The following REV3L variants were observed in gnomAD, a reference collection of about 807,000 sequenced individuals.
REV3L encodes the protein DNA polymerase zeta catalytic subunit.
A neutral mutation model predicts 299.4 loss-of-function variants in REV3L; 69 were observed. The observed-to-expected ratio is 0.23, with a 90% CI of 0.19 to 0.28. REV3L has a LOEUF of 0.28. REV3L is among the 10% of genes least tolerant of loss of function. REV3L has a pLI of 1.00. For synonymous variants in REV3L, 1,238 were observed against 1,271.4 expected, an observed-to-expected ratio of 0.97 and a Z score of 0.56; for missense variants, 3,128 against 3,693.8, an observed-to-expected ratio of 0.85 and a Z score of 3.97.
chr6:111,367,117 G>C lies in REV3L; in HGVS notation c.6671C>G (p.Thr2224Arg). The C allele has an allele frequency of 6.4e-7, 1 of 1,570,382 alleles. No homozygotes were observed. Among genetic ancestry groups the C allele is most frequent in the Non-Finnish European group, 8.6e-7 (1 of 1,162,760 alleles). ...PEAPGLSPLS[T>R]EPKTQKLSNK... ...CTTCCTGTTATTTGTACACTTACCT[G>C]TTGATAATGGGCTAAGGCCAGGTGC... The change falls in exon 14 of 32, where the codon ACA becomes AGA. Residue 2224 changes from threonine (T) to arginine (R), a missense_variant and splice_region_variant. By Grantham distance (71) the Thr-to-Arg change is moderately conservative. Coordinates refer to ENST00000368802, the MANE Select transcript of REV3L (RefSeq NM_001372078.1).
chr6:111,320,538 G>A (rs1326525790), intron 26 of REV3L, among the ~76,000 whole-genome samples: 1 of 152,184 alleles, frequency 6.6e-6, no homozygotes. Flanking sequence ...TGGGCACTGT[G>A]GGGCCAAAAA....
intron 6 of REV3L, among the ~76,000 whole-genome samples, chr6:111,389,450 C>T (rs1488810848): frequency 6.6e-6 from 1 of 151,966 alleles, no homozygotes; most frequent in Non-Finnish European, 1.5e-5. Flanking sequence ...GTCAATAGAC[C>T]TAAGAGTCCC....
chr6:111,420,945 C>T (rs1785272653), intron 1 of REV3L, among the ~76,000 whole-genome samples: 2 of 152,112 alleles, frequency 1.3e-5, no homozygotes, highest in African/African-American at 4.8e-5. Flanking sequence ...TCAAGACCAT[C>T]CTGGCCAACA....
rs1775182676 is a variant in REV3L at position 111,329,569 on chromosome 6, G to A, written c.8204C>T (p.Thr2735Ile). The part of the protein sequence containing the change: ...KLIANVTFGY[T>I]SANFSGRMPC... ...CATTCTCCCAGAAAAATTAGCAGATGTATAGCCAAATGTGACATTTGCTAT... is the reference window on the plus strand; with the variant it reads ...CATTCTCCCAGAAAAATTAGCAGATATATAGCCAAATGTGACATTTGCTAT... Residue 2735 changes from threonine (T) to isoleucine (I), a missense_variant, in exon 25 of 32, where the codon ACA (threonine) becomes ATA (isoleucine). This residue lies in a region of REV3L where 53 missense variants were observed against 57.4 expected (regional missense o/e 0.92). Coordinates refer to ENST00000368802, the MANE Select transcript of REV3L (RefSeq NM_001372078.1). 1 of 1,614,118 alleles carries A rather than the reference G, an allele frequency of 6.2e-7. No individual in the cohort carries two copies. Among genetic ancestry groups the A allele is most frequent in the Non-Finnish European group, 8.5e-7 (1 of 1,180,010 alleles).
Position 111,482,844 on chromosome 6 carries a change from G to A in REV3L, c.45C>T (p.Ser15=), listed in dbSNP as rs1583167594. The A allele has an allele frequency of 1.3e-6, 2 of 1,510,780 alleles. No individual in the cohort carries two copies. Among genetic ancestry groups the A allele is most frequent in the Non-Finnish European group, 1.8e-6 (2 of 1,137,352 alleles). 93.6% of individuals were successfully genotyped at this position (1,510,780 alleles called of 1,614,324 possible). ...GGCAGGTATCCAGCCCCTGCAGCGGGCTGGCCATGTAGTAGTCTGCAGTCA... is the reference window on the plus strand; with the variant it reads ...GGCAGGTATCCAGCCCCTGCAGCGGACTGGCCATGTAGTAGTCTGCAGTCA... ...RIVTADYYMA[S]PLQGLDTCQS... The change falls in exon 1 of 32, where the codon AGC becomes AGT. Residue 15 remains serine, a synonymous_variant. Transcript: ENST00000368802.
In REV3L at chr6:111,367,103, T is replaced by C. The variant is rs757822300; in HGVS notation, c.6673+12A>G. 2 of 1,541,846 alleles carry C rather than the reference T, an allele frequency of 1.3e-6. No individual in the cohort carries two copies. Among genetic ancestry groups the C allele is most frequent in the Non-Finnish European group, 1.7e-6 (2 of 1,147,716 alleles). ...AACAATTATGGAGACTTCCTGTTAT[T>C]TGTACACTTACCTGTTGATAATGGG... On this transcript the variant is annotated intron_variant, in intron 14 of 31. Transcript: ENST00000368802.
At chr6:111,357,609 C>T (rs1009324871) in intron 17 of REV3L, among the ~76,000 whole-genome samples, 4 of 151,976 alleles carry the variant, frequency 2.6e-5, no homozygotes, top group East Asian at 1.9e-4. Context: ...AGGAGAATGG[C>T]GTGAATCCGG....
chr6:111,300,157 C>A lies in REV3L; in HGVS notation c.9253-1G>T. 6.4e-7 allele frequency: 1 copy of A among 1,568,592 alleles called. No individual in the cohort carries two copies. The highest frequency in any genetic ancestry group is 8.6e-7 in the Non-Finnish European group (1 of 1,162,378). ...AGCAACCTGTACAGTTCTTGCATAT[C>A]TGAAAGCATAAGAGAAATACAAAAA... On this transcript the variant is annotated splice_acceptor_variant, in intron 31 of 31. Transcript: ENST00000368802. LOFTEE classifies it high-confidence loss of function.
chr6:111,427,334 A>G (rs1461734135), intron 1 of REV3L, among the ~76,000 whole-genome samples: 1 of 152,226 alleles, frequency 6.6e-6, no homozygotes, highest in Admixed American at 6.5e-5. Context: ...TGTGAATCAT[A>G]TATTTCATAA....
At chr6:111,426,401 G>A (rs1786186186) in intron 1 of REV3L, among the ~76,000 whole-genome samples, 1 of 152,150 alleles carries the variant, frequency 6.6e-6, no homozygotes, top group Admixed American at 6.5e-5. Context: ...ATGAAGATAT[G>A]TATAATGTCC....
At chr6:111,339,030 CACTGTTGTAAGGTGAA>C (rs1293082716) in intron 21 of REV3L, among the ~76,000 whole-genome samples, 3 of 152,042 alleles carry the variant, frequency 2.0e-5, no homozygotes, top group Non-Finnish European at 4.4e-5. Flanking sequence ...ACAGTGGTTT[CACTGTTGTAAGGTGAA>C]ACTGTTGTAA....
At chr6:111,302,350 A>G (rs1261062818) in intron 31 of REV3L, among the ~76,000 whole-genome samples, 1 of 152,202 alleles carries the variant, frequency 6.6e-6, no homozygotes, top group Non-Finnish European at 1.5e-5. Context: ...AAACTGATAA[A>G]TATTTAAGCT....
chr6:111,449,686 A>G (rs538654289), intron 1 of REV3L, among the ~76,000 whole-genome samples: 2 of 152,190 alleles, frequency 1.3e-5, no homozygotes, highest in Non-Finnish European at 2.9e-5. Context: ...AACTAAGCAT[A>G]AAAAGACTTG....
intron 31 of REV3L, among the ~76,000 whole-genome samples, chr6:111,303,173 T>C (rs796591358): frequency 8.0e-6 from 1 of 125,468 alleles, no homozygotes; most frequent in Non-Finnish European, 1.6e-5. Flanking sequence ...TTCTTTTTTT[T>C]TTTTTTTTTG....
In REV3L at chr6:111,344,004, G is replaced by A; in HGVS notation, c.7459C>T (p.His2487Tyr). The A allele has an allele frequency of 6.2e-7, 1 of 1,612,152 alleles. No individual in the cohort carries two copies. Among genetic ancestry groups the A allele is most frequent in the East Asian group, 2.2e-5 (1 of 44,810 alleles). ...TNYTFENVSFHVLHQRFPLFT... is the reference protein window; with the variant it reads ...TNYTFENVSFYVLHQRFPLFT... ...AGGGGAAAACGCTGATGAAGAACATGAAAGCTCACATTTTCAAAGGTGTAG... is the reference window on the plus strand; with the variant it reads ...AGGGGAAAACGCTGATGAAGAACATAAAAGCTCACATTTTCAAAGGTGTAG... Residue 2487 changes from histidine (H) to tyrosine (Y), a missense_variant, in exon 21 of 32, where the codon CAT becomes TAT. By Grantham distance (83) the His-to-Tyr change is moderately conservative. Transcript: ENST00000368802.
At chr6:111,428,071 A>C (rs1786402892) in intron 1 of REV3L, among the ~76,000 whole-genome samples, 1 of 152,134 alleles carries the variant, frequency 6.6e-6, no homozygotes, top group South Asian at 2.1e-4. Context: ...AGAATCTCTA[A>C]GCAAGCATAT....
intron 7 of REV3L, 81 bp downstream of exon 7, chr6:111,389,025 T>G (rs547924883): frequency 1.9e-6 from 2 of 1,030,180 alleles, no homozygotes; most frequent in African/African-American, 3.2e-5. Flanking sequence ...AAATCTAATG[T>G]CAAAGGAACA....
At chr6:111,473,374 TC>T (rs1792493555) in intron 1 of REV3L, among the ~76,000 whole-genome samples, 2 of 152,062 alleles carry the variant, frequency 1.3e-5, no homozygotes, top group Non-Finnish European at 1.5e-5. Context: ...TTGCGTGAAT[TC>T]TAATCCAATC....
chr6:111,426,007 C>CT (rs968509935), intron 1 of REV3L, among the ~76,000 whole-genome samples: 12 of 152,100 alleles, frequency 7.9e-5, no homozygotes, highest in Non-Finnish European at 1.5e-4. Flanking sequence ...CGTTTGGATT[C>CT]TTTTAAGTGT....
Sources: allele counts gnomAD v4.1 joint callset (sites outside exome capture counted in the v4.1 genomes callset), GRCh38; gene constraint gnomAD v4.1.1; regional missense constraint gnomAD v4.1.1; transcripts MANE v1.5; gene names NCBI Gene and HGNC (gene_info 2026-07-23, HGNC 2026-07-21).